ANKHD1: variants seen among roughly 807,000 people sequenced by gnomAD.
ANKHD1 encodes ankyrin repeat and KH domain containing 1, also known as ankyrin repeat and KH domain-containing protein 1.
A neutral mutation model predicts 230.5 loss-of-function variants in ANKHD1; 31 were observed. The ratio of observed to expected loss-of-function variants is 0.13; its 90% confidence interval spans 0.10 to 0.18. The LOEUF is 0.18. Among genes scored for constraint, ANKHD1 ranks in the 10% least tolerant of loss-of-function variants. The pLI is 1.00. For synonymous variants in ANKHD1, 1,074 were observed against 1,117.6 expected, an observed-to-expected ratio of 0.96 and a Z score of 0.78; for missense variants, 2,256 against 3,071.3, an observed-to-expected ratio of 0.73 and a Z score of 6.27.
In ANKHD1 at chr5:140,507,092, A is replaced by G; in HGVS notation, c.3551+115A>G. ...TAAATTAAGATAGTACTAAAGTTGC[A>G]AAGCCAACGATTATACCTATAATGT... On this transcript the variant is annotated intron_variant, in intron 19 of 33. Coordinates refer to ENST00000360839, the MANE Select transcript of ANKHD1 (RefSeq NM_017747.3). This position sits in a 1 kb window ranked among gnomAD's most constrained non-coding sequence, Gnocchi z 4.1. The G allele has an allele frequency of 7.0e-7, 1 of 1,429,696 alleles. No homozygotes were observed. Among genetic ancestry groups the G allele is most frequent in the Non-Finnish European group, 9.3e-7 (1 of 1,070,974 alleles). 88.6% of individuals were successfully genotyped at this position (1,429,696 alleles called of 1,614,324 possible).
intron 10 of ANKHD1, among the ~76,000 whole-genome samples, chr5:140,467,369 G>A (rs2126986373): frequency 6.6e-6 from 1 of 152,030 alleles, no homozygotes; most frequent in African/African-American, 2.4e-5. Context: ...GCTATTTGTG[G>A]ACTGATATCT....
intron 10 of ANKHD1, among the ~76,000 whole-genome samples, chr5:140,468,574 T>G (rs1776275060): frequency 6.6e-6 from 1 of 152,228 alleles, no homozygotes; most frequent in Non-Finnish European, 1.5e-5. Flanking sequence ...TATTAAATCT[T>G]ATAAATAGAA....
intron 9 of ANKHD1, among the ~76,000 whole-genome samples, chr5:140,463,727 C>A (rs1277459940): frequency 6.6e-6 from 1 of 152,042 alleles, no homozygotes; most frequent in Non-Finnish European, 1.5e-5. Flanking sequence ...ATGATCTGGG[C>A]TCACTGTAAC....
intron 7 of ANKHD1, among the ~76,000 whole-genome samples, chr5:140,454,286 A>G (rs1315607479): frequency 6.6e-6 from 1 of 152,186 alleles, no homozygotes; most frequent in Non-Finnish European, 1.5e-5. Flanking sequence ...CCCACTGTCA[A>G]CATTAGACAG....
Position 140,539,482 on chromosome 5 carries a change from A to ATT in ANKHD1, c.*72_*73dup. 3.4e-6 allele frequency: 5 copies of ATT among 1,482,898 alleles called. No individual in the cohort carries two copies. Among genetic ancestry groups the ATT allele is most frequent in the South Asian group, 1.3e-5 (1 of 76,774 alleles). The allele number at this position is 1,482,898 out of a possible 1,614,324, so 91.9% of individuals were successfully genotyped here. On this transcript the variant is annotated 3_prime_UTR_variant, in exon 34 of 34. Coordinates refer to ENST00000360839, the MANE Select transcript of ANKHD1 (RefSeq NM_017747.3). The stretch of plus-strand genomic sequence containing the variant: ...CTATGACCTTGGAAGAACCATGGGG[A>ATT]TTTTTTTTTAATGTGCCTAAGAAAT...
chr5:140,428,970 G>A (rs1772792112), intron 1 of ANKHD1, among the ~76,000 whole-genome samples: 1 of 151,716 alleles, frequency 6.6e-6, no homozygotes, highest in Non-Finnish European at 1.5e-5. Flanking sequence ...ATTTTTAGTA[G>A]AGACAGGGTT....
rs753036649 is a variant in ANKHD1, at chr5:140,537,369, A to T, written c.7028-20A>T. On this transcript the variant is annotated intron_variant, in intron 30 of 33. Coordinates refer to ENST00000360839, the MANE Select transcript of ANKHD1 (RefSeq NM_017747.3). ...CTCCTATTCCATCTGTTTCTTCGGGATCATCTTCACCTCTTTCAGCCACTT... is the reference window on the plus strand; with the variant it reads ...CTCCTATTCCATCTGTTTCTTCGGGTTCATCTTCACCTCTTTCAGCCACTT... 7.4e-6 allele frequency: 12 copies of T among 1,612,532 alleles called. No homozygotes were observed. In the Admixed American group the frequency reaches 1.5e-4, roughly 20 times the overall value.
At chr5:140,442,969 G>A (rs1172573490) in intron 5 of ANKHD1, among the ~76,000 whole-genome samples, 2 of 151,106 alleles carry the variant, frequency 1.3e-5, no homozygotes, top group Non-Finnish European at 2.9e-5. Context: ...GCAGTGGTGC[G>A]ATCTCAGCTC....
intron 11 of ANKHD1, among the ~76,000 whole-genome samples, chr5:140,483,196 A>G (rs1402227848): frequency 6.6e-6 from 1 of 152,194 alleles, no homozygotes; most frequent in Non-Finnish European, 1.5e-5. Context: ...TGTAGAACCA[A>G]TGTTAGGTTT....
intron 1 of ANKHD1, among the ~76,000 whole-genome samples, 154 bp downstream of exon 1, chr5:140,402,427 T>G (rs974852937): frequency 2.0e-5 from 3 of 152,224 alleles, no homozygotes; most frequent in African/African-American, 7.2e-5. Flanking sequence ...GAGGGCCTAG[T>G]GAGCCCTCGG....
At chr5:140,502,236 C>T (rs954543753) in intron 15 of ANKHD1, among the ~76,000 whole-genome samples, 12 of 152,104 alleles carry the variant, frequency 7.9e-5, no homozygotes, top group African/African-American at 2.7e-4. Context: ...TTTTAAATCT[C>T]TTGCTACTTC....
At chr5:140,468,243 GACAGGGC>G (rs1443080041) in intron 10 of ANKHD1, among the ~76,000 whole-genome samples, 1 of 143,834 alleles carries the variant, frequency 7.0e-6, no homozygotes, top group Non-Finnish European at 1.5e-5. Context: ...CAGCCTGGGT[GACAGGGC>G]AAGACTCCGT....
rs1775414139 is a variant in ANKHD1 at position 140,458,860 on chromosome 5, A to G, written c.1478A>G (p.Gln493Arg). 2 of 1,601,870 alleles carry G rather than the reference A, an allele frequency of 1.2e-6. No homozygotes were observed. The highest frequency in any genetic ancestry group is 1.3e-5 in the African/African-American group (1 of 74,214). ...HEEMVALLLAQGANINAQTEE... is the reference protein window; with the variant it reads ...HEEMVALLLARGANINAQTEE... ...GAAATGGTGGCACTACTCTTAGCAC[A>G]AGGTAAAGCAGTTTTACTTCTTTTA... Residue 493 changes from glutamine to arginine, a missense_variant and splice_region_variant, in exon 8 of 34, where the codon CAA becomes CGA. Coordinates refer to ENST00000360839, the MANE Select transcript of ANKHD1 (RefSeq NM_017747.3).
chr5:140,403,782 G>T (rs1329937245), intron 1 of ANKHD1, among the ~76,000 whole-genome samples: 1 of 152,132 alleles, frequency 6.6e-6, no homozygotes, highest in Non-Finnish European at 1.5e-5. Context: ...GTTGTCACCT[G>T]TGACCAGTTA....
At chr5:140,406,285 CA>C (rs1770437346) in intron 1 of ANKHD1, among the ~76,000 whole-genome samples, 2 of 151,416 alleles carry the variant, frequency 1.3e-5, no homozygotes, top group Admixed American at 1.3e-4. Context: ...CCTAGACATC[CA>C]AAAAGATGAT....
intron 10 of ANKHD1, among the ~76,000 whole-genome samples, chr5:140,468,343 C>G (rs576256404): frequency 1.3e-5 from 2 of 151,978 alleles, no homozygotes; most frequent in East Asian, 1.9e-4. Context: ...AGTAAGCCCT[C>G]TGACCTTTGT....
chr5:140,513,031 G>C (rs1752835228), intron 23 of ANKHD1, 108 bp downstream of exon 23: 1 of 1,092,236 alleles, frequency 9.2e-7, no homozygotes, highest in East Asian at 2.5e-5. Context: ...TTGGTCACCT[G>C]ATCTCTTTAT....
chr5:140,501,926 C>T (rs1752324066), intron 15 of ANKHD1, among the ~76,000 whole-genome samples: 1 of 151,590 alleles, frequency 6.6e-6, no homozygotes, highest in African/African-American at 2.4e-5. Flanking sequence ...AATTGTCAGA[C>T]ACAGTGACTC....
At chr5:140,441,506 T>TC (rs1491282789) in intron 5 of ANKHD1, among the ~76,000 whole-genome samples, 3 of 151,868 alleles carry the variant, frequency 2.0e-5, no homozygotes, top group Non-Finnish European at 2.9e-5. Context: ...CTTTTTTTTT[T>TC]CCCCCACAGT....
Sources: allele counts gnomAD v4.1 joint callset (sites outside exome capture counted in the v4.1 genomes callset), GRCh38; gene constraint gnomAD v4.1.1; non-coding constraint Gnocchi (gnomAD v3.1); transcripts MANE v1.5; gene names NCBI Gene and HGNC (gene_info 2026-07-23, HGNC 2026-07-21).